The following PAPPA2 variants were observed in gnomAD, a reference collection of about 807,000 sequenced individuals.
PAPPA2 encodes pappalysin 2.
A neutral mutation model predicts 176.4 loss-of-function variants in PAPPA2; 86 were observed. The observed-to-expected ratio is 0.49, with a 90% CI of 0.41 to 0.58. The LOEUF is 0.58. Ranked by LOEUF, PAPPA2 falls within the 20% of genes least tolerant of loss-of-function variation. The pLI is 0.00. For missense variants in PAPPA2, 2,073 were observed against 2,256.9 expected (o/e 0.92, Z 1.65); for synonymous variants, 809 against 852.2 (o/e 0.95, Z 0.88).
rs749007747 is a variant in PAPPA2 at position 176,844,973 on chromosome 1, G to A, written c.*2519G>A. The A allele has an allele frequency of 3.9e-5, 6 of 152,180 alleles. No individual in the cohort carries two copies. The highest frequency in any genetic ancestry group is 8.8e-5 in the Non-Finnish European group (6 of 68,030). The allele number at this position is 152,180 out of a possible 1,614,324, so 9.4% of individuals were successfully genotyped here. On this transcript the variant is annotated 3_prime_UTR_variant, in exon 23 of 23. Transcript: ENST00000367662. ...AAGGAAAGTTCCTGTTGTGTGTGAA[G>A]AGCCTCTTAGGCTATAAGGCTTCCC...
intron 21 of PAPPA2, among the ~76,000 whole-genome samples, chr1:176,838,357 G>C (rs564507224): frequency 3.4e-4 from 52 of 152,234 alleles, no homozygotes; most frequent in African/African-American, 8.4e-4. Flanking sequence ...TGTAAGAAAA[G>C]TATTTTGGGT....
At chr1:176,613,868 G>A (rs1357587347) in intron 3 of PAPPA2, among the ~76,000 whole-genome samples, 1 of 152,194 alleles carries the variant, frequency 6.6e-6, no homozygotes, top group African/African-American at 2.4e-5. Context: ...GGCTAATTCA[G>A]TGTTGTCCAC....
chr1:176,665,287 C>T (rs1163505866), intron 3 of PAPPA2, among the ~76,000 whole-genome samples: 1 of 152,138 alleles, frequency 6.6e-6, no homozygotes, highest in Non-Finnish European at 1.5e-5. Context: ...CTTTACAATT[C>T]ATGCCCACCA....
At chr1:176,816,172 ATATATATATATATATATATATATATG>A (rs1182072450) in intron 21 of PAPPA2, among the ~76,000 whole-genome samples, 1 of 121,300 alleles carries the variant, frequency 8.2e-6, no homozygotes, top group Non-Finnish European at 1.7e-5. Context: ...ATATATATAT[ATATATATATATATATATATATATATG>A]TACACATACA....
At chr1:176,487,552 TC>T (rs1652699774) in intron 1 of PAPPA2, among the ~76,000 whole-genome samples, 1 of 152,076 alleles carries the variant, frequency 6.6e-6, no homozygotes, top group African/African-American at 2.4e-5. Context: ...AGGGCTGGGG[TC>T]AGTATTGATG....
chr1:176,505,869 G>T (rs1648231731), intron 1 of PAPPA2, among the ~76,000 whole-genome samples: 1 of 152,020 alleles, frequency 6.6e-6, no homozygotes, highest in Admixed American at 6.6e-5. Context: ...ACTTGAACAT[G>T]CATGCAAAGG....
intron 21 of PAPPA2, among the ~76,000 whole-genome samples, chr1:176,831,998 A>G (rs1667097642): frequency 1.3e-5 from 2 of 152,228 alleles, no homozygotes. Flanking sequence ...GGAGGCTCTC[A>G]GGGATGGAGC....
chr1:176,836,385 T>C (rs1667271245), intron 21 of PAPPA2, among the ~76,000 whole-genome samples: 1 of 152,200 alleles, frequency 6.6e-6, no homozygotes, highest in Non-Finnish European at 1.5e-5. Context: ...AGAGATACAG[T>C]CCCTTTTGGC....
chr1:176,752,650 C>T (rs891293434), intron 14 of PAPPA2, among the ~76,000 whole-genome samples: 2 of 152,196 alleles, frequency 1.3e-5, no homozygotes, highest in East Asian at 1.9e-4. Flanking sequence ...AACCTCTGTT[C>T]TTCAGTTTAC....
rs144258428 is a variant in PAPPA2, at chr1:176,522,144, G to A, written c.-916-33263G>A. ...TTCACTTAAAATCAACCTGAACACA[G>A]CATTTAAACATTCCTTTTATTTTTA... On this transcript the variant is annotated intron_variant, in intron 1 of 22. Transcript: ENST00000367662. 8.5e-5 allele frequency among the ~76,000 whole-genome samples: 13 copies of A among 152,248 alleles called. No individual in the cohort carries two copies. The East Asian group carries it at 2.5e-3, about 29-fold the overall frequency.
intron 5 of PAPPA2, chr1:176,691,204 A>G: frequency 2.1e-6 from 2 of 968,358 alleles, no homozygotes; most frequent in Non-Finnish European, 2.5e-6. Context: ...TTGATGACCT[A>G]GTACAATGGT....
intron 3 of PAPPA2, among the ~76,000 whole-genome samples, chr1:176,659,388 C>G (rs1016593083): frequency 6.6e-6 from 1 of 152,082 alleles, no homozygotes; most frequent in African/African-American, 2.4e-5. Flanking sequence ...TGTATCTCCA[C>G]ATAATCTTCC....
intron 21 of PAPPA2, among the ~76,000 whole-genome samples, chr1:176,801,605 G>C (rs962763632): frequency 1.3e-5 from 2 of 152,096 alleles, no homozygotes; most frequent in East Asian, 1.9e-4. Context: ...GGGGACGCGG[G>C]AGAGAGAAGG....
chr1:176,548,326 G>A (rs1422416244), intron 1 of PAPPA2, among the ~76,000 whole-genome samples: 1 of 152,094 alleles, frequency 6.6e-6, no homozygotes, highest in African/African-American at 2.4e-5. Flanking sequence ...CAAGGGTAGT[G>A]GGAACAAGAG....
chr1:176,698,645 T>C (rs1448096574), intron 7 of PAPPA2, among the ~76,000 whole-genome samples: 1 of 152,174 alleles, frequency 6.6e-6, no homozygotes, highest in Non-Finnish European at 1.5e-5. Flanking sequence ...ATTGCCAGGG[T>C]GGGATCTTAG....
chr1:176,704,946 C>T (rs10798475), intron 9 of PAPPA2, among the ~76,000 whole-genome samples: 37,978 of 151,940 alleles, frequency 0.25, 4,914 homozygotes, highest in South Asian at 0.34. Context: ...AAAAATGTGG[C>T]TTTCATTACA....
Position 176,690,229 on chromosome 1 carries a change from G to A in PAPPA2, c.2230G>A (p.Val744Ile). 6.2e-7 allele frequency: 1 copy of A among 1,614,072 alleles called. No homozygotes were observed. The highest frequency in any genetic ancestry group is 1.1e-5 in the South Asian group (1 of 91,068). The change falls in exon 5 of 23, where the codon GTC becomes ATC. Residue 744 changes from valine (V) to isoleucine (I), a missense_variant. Val to Ile is a conservative substitution (Grantham distance 29). Coordinates refer to ENST00000367662, the MANE Select transcript of PAPPA2 (RefSeq NM_020318.3). Reference sequence around the variant, plus strand: ...GGGACATGTTCTGGGACTCTACCATGTCTTTAAAGGAGTCAGTGAAAGAGA... The same window carrying A: ...GGGACATGTTCTGGGACTCTACCATATCTTTAAAGGAGTCAGTGAAAGAGA... ...EVGHVLGLYH[V>I]FKGVSERESC...
At chr1:176,500,700 T>A (rs1286755961) in intron 1 of PAPPA2, among the ~76,000 whole-genome samples, 3 of 151,896 alleles carry the variant, frequency 2.0e-5, no homozygotes, top group African/African-American at 7.2e-5. Context: ...CATTCTGCAG[T>A]CGTGCAATAA....
intron 4 of PAPPA2, among the ~76,000 whole-genome samples, chr1:176,678,064 C>A (rs917568082): frequency 2.0e-5 from 3 of 152,106 alleles, no homozygotes; most frequent in Non-Finnish European, 4.4e-5. Context: ...GAAGGATAAG[C>A]AGGAGTTTGC....
Sources: allele counts gnomAD v4.1 joint callset (sites outside exome capture counted in the v4.1 genomes callset), GRCh38; gene constraint gnomAD v4.1.1; transcripts MANE v1.5; gene names NCBI Gene and HGNC (gene_info 2026-07-23, HGNC 2026-07-21).